The following TFAP2D variants were observed in gnomAD, a reference collection of about 807,000 sequenced individuals.
TFAP2D encodes transcription factor AP-2-delta.
A neutral mutation model predicts 43.6 loss-of-function variants in TFAP2D; 9 were observed. The observed-to-expected ratio is 0.21, with a 90% CI of 0.12 to 0.36. The LOEUF (loss-of-function observed/expected upper bound fraction) is 0.36. TFAP2D is among the 10% of genes least tolerant of loss of function. The pLI is 1.00. For synonymous variants in TFAP2D, 256 were observed against 224.9 expected, an observed-to-expected ratio of 1.14 and a Z score of -1.24; for missense variants, 513 against 561.4, an observed-to-expected ratio of 0.91 and a Z score of 0.87.
chr6:50,769,332 A>G (rs972178493), intron 7 of TFAP2D, among the ~76,000 whole-genome samples: 8 of 152,222 alleles, frequency 5.3e-5, no homozygotes, highest in Admixed American at 5.2e-4. Flanking sequence ...CTGTCATTTT[A>G]CAAGGCTAAA....
intron 7 of TFAP2D, among the ~76,000 whole-genome samples, chr6:50,765,677 T>A (rs1346287886): frequency 6.6e-6 from 1 of 152,206 alleles, no homozygotes; most frequent in Non-Finnish European, 1.5e-5. Context: ...ACTGTATGTT[T>A]GTGTCCTAAG....
At chr6:50,759,381 G>A (rs912692552) in intron 7 of TFAP2D, among the ~76,000 whole-genome samples, 2 of 151,962 alleles carry the variant, frequency 1.3e-5, no homozygotes, top group Non-Finnish European at 2.9e-5. Context: ...ATGCAGTTAA[G>A]CTGGGTGATC....
At chr6:50,765,653 G>C (rs1275878251) in intron 7 of TFAP2D, among the ~76,000 whole-genome samples, 1 of 151,474 alleles carries the variant, frequency 6.6e-6, no homozygotes, top group Non-Finnish European at 1.5e-5. Context: ...CCATTTGTAT[G>C]TCATCTTTGG....
intron 7 of TFAP2D, among the ~76,000 whole-genome samples, chr6:50,752,539 T>A (rs1769214220): frequency 6.6e-6 from 1 of 151,916 alleles, no homozygotes; most frequent in Non-Finnish European, 1.5e-5. Flanking sequence ...CTTCATTATA[T>A]AAAATAACAA....
chr6:50,766,844 A>C (rs1292845841), intron 7 of TFAP2D, among the ~76,000 whole-genome samples: 1 of 150,368 alleles, frequency 6.7e-6, no homozygotes, highest in Non-Finnish European at 1.5e-5. Context: ...AATTTTTTGT[A>C]TTTTTAGTAG....
At chr6:50,756,137 C>T (rs985765584) in intron 7 of TFAP2D, among the ~76,000 whole-genome samples, 6 of 152,000 alleles carry the variant, frequency 3.9e-5, no homozygotes, top group African/African-American at 1.2e-4. Flanking sequence ...TGCTGGATTA[C>T]AGGCATGTGA....
chr6:50,740,041 T>G (rs1769018685), intron 5 of TFAP2D, among the ~76,000 whole-genome samples: 1 of 152,210 alleles, frequency 6.6e-6, no homozygotes, highest in South Asian at 2.1e-4. Context: ...TACTTTGTGC[T>G]TCAGCTCCAG....
intron 2 of TFAP2D, 136 bp downstream of exon 2, chr6:50,715,749 TCACACACACACACACA>T (rs928261975): frequency 2.1e-4 from 91 of 428,604 alleles, no homozygotes; most frequent in Middle Eastern, 6.2e-4. Context: ...TCTCTCTCTC[TCACACACACACACACA>T]CACACACACA....
intron 6 of TFAP2D, among the ~76,000 whole-genome samples, chr6:50,750,089 A>C (rs935245412): frequency 2.6e-5 from 4 of 151,926 alleles, no homozygotes; most frequent in Non-Finnish European, 2.9e-5. Context: ...AGAAGTCCCC[A>C]CTGATTTTTA....
chr6:50,733,986 ATGTGTGTG>A (rs34213110), intron 5 of TFAP2D, among the ~76,000 whole-genome samples: 4 of 141,668 alleles, frequency 2.8e-5, no homozygotes, highest in South Asian at 2.3e-4. Context: ...CTTTCTGTGT[ATGTGTGTG>A]TGTGTGTGTG....
At chr6:50,722,210 G>T (rs1177957680) in intron 3 of TFAP2D, among the ~76,000 whole-genome samples, 1 of 152,180 alleles carries the variant, frequency 6.6e-6, no homozygotes, top group African/African-American at 2.4e-5. Flanking sequence ...CTCGGTTAAT[G>T]GTGTACGCGA....
chr6:50,717,871 T>A (rs1243800136), intron 2 of TFAP2D, among the ~76,000 whole-genome samples: 1 of 152,240 alleles, frequency 6.6e-6, no homozygotes, highest in East Asian at 1.9e-4. Context: ...CTTTTATTTC[T>A]TCCTTTTTAA....
intron 3 of TFAP2D, among the ~76,000 whole-genome samples, chr6:50,724,500 C>T (rs113814968): frequency 6.6e-6 from 1 of 152,144 alleles, no homozygotes; most frequent in Non-Finnish European, 1.5e-5. Flanking sequence ...GGCCCAGCGC[C>T]CGGAAGCCCG....
intron 2 of TFAP2D, chr6:50,718,257 C>T (rs954689364): frequency 2.6e-5 from 4 of 151,890 alleles, no homozygotes; most frequent in Non-Finnish European, 5.9e-5. Context: ...CGAAAGGGAG[C>T]CAGGGTTGTA....
intron 2 of TFAP2D, among the ~76,000 whole-genome samples, chr6:50,717,316 T>A (rs1431226489): frequency 6.6e-6 from 1 of 152,218 alleles, no homozygotes; most frequent in East Asian, 1.9e-4. Context: ...ATTTATGCAA[T>A]GTCATCCGAC....
intron 7 of TFAP2D, 97 bp from the exon 8 acceptor site, chr6:50,772,548 G>A (rs1228189249): frequency 9.4e-6 from 10 of 1,064,660 alleles, no homozygotes; most frequent in Non-Finnish European, 1.1e-5. Flanking sequence ...ATGAATACCT[G>A]TTTAATTGAA....
At chr6:50,728,774 T>G (rs751478532) in intron 3 of TFAP2D, 82 bp from the exon 4 acceptor site, 11 of 1,396,048 alleles carry the variant, frequency 7.9e-6, no homozygotes, top group Non-Finnish European at 1.1e-5. Context: ...AAATCCAGAA[T>G]AGTCTTTTGA....
In TFAP2D at chr6:50,715,398, G is replaced by A; in HGVS notation, c.322G>A (p.Gly108Arg). 6.2e-7 allele frequency: 1 copy of A among 1,613,986 alleles called. No homozygotes were observed. Among genetic ancestry groups the A allele is most frequent in the Non-Finnish European group, 8.5e-7 (1 of 1,180,000 alleles). Residue 108 changes from glycine to arginine, a missense_variant, in exon 2 of 8, where the codon GGG becomes AGG. Gly to Arg is a moderately radical substitution (Grantham distance 125). Transcript: ENST00000008391. ...ACAGTACTACCAGCAGATCCACCAC[G>A]GGGAGCCCACCGACTTTATTAACCT... ...SQQYYQQIHH[G>R]EPTDFINLHN...
chr6:50,743,272 C>T (rs1476396187), intron 5 of TFAP2D, among the ~76,000 whole-genome samples: 2 of 152,258 alleles, frequency 1.3e-5, no homozygotes, highest in South Asian at 2.1e-4. Context: ...TTGCTTATTG[C>T]AATACCTTTT....
Sources: gnomAD v4.1 joint callset for allele counts (sites outside exome capture counted in the v4.1 genomes callset) on GRCh38, gnomAD v4.1.1 for gene constraint, MANE v1.5 for transcripts, NCBI Gene and HGNC (gene_info 2026-07-23, HGNC 2026-07-21) for gene names.